The following DOCK2 variants were observed in gnomAD, a reference collection of about 807,000 sequenced individuals.
DOCK2 encodes dedicator of cytokinesis 2.
A neutral mutation model predicts 248.9 loss-of-function variants in DOCK2; 87 were observed. The ratio of observed to expected loss-of-function variants is 0.35; its 90% CI spans 0.29 to 0.42. DOCK2 has a LOEUF of 0.42. DOCK2 is among the 10% of genes least tolerant of loss of function. The pLI, the probability that DOCK2 is intolerant of heterozygous loss-of-function variation, is 1.00. For missense variants in DOCK2, 1,747 were observed against 2,300.2 expected, an observed-to-expected ratio of 0.76 and a Z score of 4.92; for synonymous variants, 805 against 821.6, an observed-to-expected ratio of 0.98 and a Z score of 0.35.
intron 25 of DOCK2, among the ~76,000 whole-genome samples, chr5:169,765,119 T>C (rs2113752049): frequency 6.7e-6 from 1 of 149,188 alleles, no homozygotes; most frequent in South Asian, 2.2e-4. Context: ...ACACAGTTTT[T>C]TCCTTGTTTT....
intron 25 of DOCK2, among the ~76,000 whole-genome samples, chr5:169,769,370 C>T (rs1285206907): frequency 6.6e-6 from 1 of 152,154 alleles, no homozygotes; most frequent in East Asian, 1.9e-4. Context: ...GTCTCAATGC[C>T]AGGTGAAGGA....
In DOCK2 at chr5:170,050,132, A is replaced by G; in HGVS notation, c.4072-124A>G. On this transcript the variant is annotated intron_variant, in intron 40 of 51. Coordinates refer to ENST00000520908, the MANE Select transcript of DOCK2 (RefSeq NM_004946.3). ...CCTTCCTTTCCCTGTGGGGAAACCA[A>G]GAGGAGAGTGATGCACTGGACATCC... 3 of 1,287,398 alleles carry G rather than the reference A, an allele frequency of 2.3e-6. No homozygotes were observed. In the South Asian group the frequency reaches 4.3e-5, roughly 18 times the overall value. The allele number at this position is 1,287,398 out of a possible 1,614,324, so 79.7% of individuals were successfully genotyped here. A position where few individuals can be genotyped will look rare whatever the true frequency, so the allele number is the denominator to read the frequency against.
intron 1 of DOCK2, among the ~76,000 whole-genome samples, chr5:169,651,173 C>T (rs895865017): frequency 6.6e-6 from 1 of 152,186 alleles, no homozygotes; most frequent in Non-Finnish European, 1.5e-5. Context: ...GAAGACTAAA[C>T]AGAATTGGGT....
intron 15 of DOCK2, 28 bp downstream of exon 15, chr5:169,708,295 A>T: frequency 6.3e-7 from 1 of 1,596,282 alleles, no homozygotes; most frequent in Non-Finnish European, 8.6e-7. Flanking sequence ...CAGCAAACAC[A>T]TGTCTAGTTC....
chr5:170,053,880 G>A (rs1757012504), intron 41 of DOCK2, among the ~76,000 whole-genome samples: 1 of 152,176 alleles, frequency 6.6e-6, no homozygotes, highest in African/African-American at 2.4e-5. Context: ...CATAGTCTCT[G>A]CCATGAAAAA....
chr5:169,919,473 A>G (rs1775056466), intron 27 of DOCK2, among the ~76,000 whole-genome samples: 1 of 152,228 alleles, frequency 6.6e-6, no homozygotes, highest in Admixed American at 6.5e-5. Flanking sequence ...AATTGACCCC[A>G]GGCTGGCAGC....
At position 169,882,985 on chromosome 5, in the gene DOCK2, G is replaced by A. The variant is rs375307639; in HGVS notation, c.2799+42133G>A. 48 of 1,551,608 alleles carry A rather than the reference G, an allele frequency of 3.1e-5. No homozygotes were observed. Among genetic ancestry groups the A allele is most frequent in the Non-Finnish European group, 3.9e-5 (45 of 1,146,942 alleles). ...TGAGGGGGAACTGTGAGTCCGTGGA[G>A]ATGAAGGAACACACGTTTCCTTTGA... is the stretch of plus-strand genomic sequence containing the variant. On this transcript the variant is annotated intron_variant, in intron 27 of 51. Transcript: ENST00000520908.
Position 170,067,650 on chromosome 5 carries a change from C to A in DOCK2, c.4608C>A (p.Asp1536Glu), listed in dbSNP as rs766582922. Reference sequence around the variant, plus strand: ...CCATGCTCCTGAACGGGATTGTGGACCCTGCTGTCATGGGAGGCTTCGCCA... The same window carrying A: ...CCATGCTCCTGAACGGGATTGTGGAACCTGCTGTCATGGGAGGCTTCGCCA... ...PLSMLLNGIV[D>E]PAVMGGFAKY... The change falls in exon 45 of 52, where the codon GAC becomes GAA. Residue 1536 changes from aspartate to glutamate, a missense_variant. By Grantham distance (45) the Asp-to-Glu change is conservative (BLOSUM62 2). This residue lies in a region of DOCK2 where 513 missense variants were observed against 586.1 expected (regional missense o/e 0.88). Transcript: ENST00000520908. 1 of 1,614,146 alleles carries A rather than the reference C, an allele frequency of 6.2e-7. No homozygotes were observed. The highest frequency in any genetic ancestry group is 8.5e-7 in the Non-Finnish European group (1 of 1,180,002).
At chr5:170,046,100 G>A (rs192656335) in intron 39 of DOCK2, among the ~76,000 whole-genome samples, 195 bp downstream of exon 39, 96 of 152,314 alleles carry the variant, frequency 6.3e-4, no homozygotes, top group South Asian at 1.9e-3. Context: ...GAGAGATGTC[G>A]TGGGGAAATG....
At chr5:169,843,329 C>T (rs1770101186) in intron 27 of DOCK2, among the ~76,000 whole-genome samples, 2 of 151,920 alleles carry the variant, frequency 1.3e-5, no homozygotes, top group Non-Finnish European at 2.9e-5. Flanking sequence ...GCAGTTTTTC[C>T]TGGCTAACAC....
chr5:169,841,224 C>T (rs1769950306), intron 27 of DOCK2, among the ~76,000 whole-genome samples: 1 of 152,214 alleles, frequency 6.6e-6, no homozygotes, highest in African/African-American at 2.4e-5. Context: ...TGCCCAGTCT[C>T]AGGGTCCTGT....
chr5:169,919,436 A>C (rs1775054292), intron 27 of DOCK2, among the ~76,000 whole-genome samples: 1 of 152,200 alleles, frequency 6.6e-6, no homozygotes, highest in African/African-American at 2.4e-5. Context: ...TTAAATCCCC[A>C]ACTAAAAAGT....
intron 41 of DOCK2, among the ~76,000 whole-genome samples, chr5:170,050,909 G>T (rs973982540): frequency 6.6e-5 from 10 of 152,212 alleles, no homozygotes; most frequent in Admixed American, 6.5e-4. Flanking sequence ...AGGTGCAAGG[G>T]ACTGGAGATT....
At chr5:169,865,961 G>A (rs1019101835) in intron 27 of DOCK2, among the ~76,000 whole-genome samples, 1 of 152,238 alleles carries the variant, frequency 6.6e-6, no homozygotes, top group Non-Finnish European at 1.5e-5. Context: ...CATGCATGAC[G>A]AATGGAGCCC....
intron 2 of DOCK2, among the ~76,000 whole-genome samples, chr5:169,658,499 A>AT (rs1758253500): frequency 6.6e-6 from 1 of 151,288 alleles, no homozygotes; most frequent in Non-Finnish European, 1.5e-5. Context: ...AAAAAAAAAA[A>AT]AATGTATTTA....
At chr5:169,882,220 T>C (rs1420410208) in intron 27 of DOCK2, among the ~76,000 whole-genome samples, 1 of 152,198 alleles carries the variant, frequency 6.6e-6, no homozygotes, top group Non-Finnish European at 1.5e-5. Flanking sequence ...AGTGCCTTCC[T>C]GCTATCATTT....
At chr5:170,007,413 AT>A (rs1241315708) in intron 30 of DOCK2, among the ~76,000 whole-genome samples, 2 of 152,188 alleles carry the variant, frequency 1.3e-5, no homozygotes, top group African/African-American at 2.4e-5. Context: ...AACCACTGGA[AT>A]AAGGAAAAGC....
chr5:169,856,480 A>G (rs771324121), intron 27 of DOCK2, among the ~76,000 whole-genome samples: 1 of 152,220 alleles, frequency 6.6e-6, no homozygotes, highest in Non-Finnish European at 1.5e-5. Flanking sequence ...GAGATGAGGT[A>G]GAGCTTCAAT....
intron 29 of DOCK2, among the ~76,000 whole-genome samples, chr5:169,994,720 G>A (rs943684607): frequency 6.6e-6 from 1 of 152,186 alleles, no homozygotes; most frequent in Non-Finnish European, 1.5e-5. Context: ...CAGGGTACTA[G>A]CAAGAAATAA....
Sources: allele counts gnomAD v4.1 joint callset (sites outside exome capture counted in the v4.1 genomes callset), GRCh38; gene constraint gnomAD v4.1.1; regional missense constraint gnomAD v4.1.1; transcripts MANE v1.5; gene names NCBI Gene and HGNC (gene_info 2026-07-23, HGNC 2026-07-21).